The following H2BN1 variants were observed in gnomAD, a reference collection of about 807,000 sequenced individuals.
H2BN1 encodes histone H2B.N.
the H2BN1 span, among the ~76,000 whole-genome samples, chr17:32,903,193 A>G: frequency 6.6e-6 from 1 of 151,332 alleles, no homozygotes; most frequent in Non-Finnish European, 1.5e-5. Flanking sequence ...GTGAAATATT[A>G]TATATATATT....
At chr17:32,895,780 T>C in the H2BN1 span, among the ~76,000 whole-genome samples, 4 of 152,262 alleles carry the variant, frequency 2.6e-5, no homozygotes, top group African/African-American at 9.6e-5. Context: ...TAATGGCTGC[T>C]GTCTTCTCTC....
the H2BN1 span, among the ~76,000 whole-genome samples, chr17:32,899,324 A>G: frequency 1.3e-5 from 2 of 152,228 alleles, no homozygotes; most frequent in South Asian, 2.1e-4. Context: ...GATTTGTACC[A>G]TCAAATACCT....
chr17:32,902,827 G>A, the H2BN1 span, among the ~76,000 whole-genome samples: 1,000 of 137,286 alleles, frequency 7.3e-3, 7 homozygotes, highest in Non-Finnish European at 9.2e-3. Context: ...GCGACAGAGC[G>A]AGACTCCATC....
chr17:32,902,714 C>T, the H2BN1 span, among the ~76,000 whole-genome samples: 1 of 152,026 alleles, frequency 6.6e-6, no homozygotes, highest in Non-Finnish European at 1.5e-5. Context: ...GTGGTGGGCA[C>T]CTGTAGTCCC....
the H2BN1 span, chr17:32,906,078 C>T: frequency 6.6e-6 from 1 of 152,028 alleles, no homozygotes; most frequent in Non-Finnish European, 1.5e-5. Context: ...TATGTTGTTC[C>T]ACTTGTACAT....
the H2BN1 span, chr17:32,906,565 G>A: frequency 6.6e-6 from 1 of 152,180 alleles, no homozygotes; most frequent in South Asian, 2.1e-4. Context: ...CATAATAAAG[G>A]AAAGGCATTT....
the H2BN1 span, among the ~76,000 whole-genome samples, chr17:32,896,261 T>G: frequency 8.2e-4 from 125 of 152,292 alleles, no homozygotes; most frequent in East Asian, 0.017. Context: ...AAAGCGGATA[T>G]TTGCCACCTA....
the H2BN1 span, among the ~76,000 whole-genome samples, chr17:32,901,591 G>C: frequency 6.6e-6 from 1 of 152,242 alleles, no homozygotes; most frequent in African/African-American, 2.4e-5. Context: ...GCAGGACTTG[G>C]TGTCCTTTTT....
At chr17:32,895,890 T>A in the H2BN1 span, among the ~76,000 whole-genome samples, 1 of 152,158 alleles carries the variant, frequency 6.6e-6, no homozygotes, top group South Asian at 2.1e-4. Context: ...TGTAAATCTG[T>A]AAACTGATTC....
the H2BN1 span, chr17:32,906,271 C>T: frequency 6.6e-6 from 1 of 152,206 alleles, no homozygotes; most frequent in Non-Finnish European, 1.5e-5. Context: ...AATGGGTTAG[C>T]CTGGAGGCAT....
At chr17:32,898,461 T>A in the H2BN1 span, among the ~76,000 whole-genome samples, 1 of 152,238 alleles carries the variant, frequency 6.6e-6, no homozygotes, top group African/African-American at 2.4e-5. Context: ...AGTAGAGCAG[T>A]GACTTTGAAT....
chr17:32,903,456 T>C, the H2BN1 span, among the ~76,000 whole-genome samples: 5 of 152,166 alleles, frequency 3.3e-5, no homozygotes, highest in African/African-American at 1.2e-4. Context: ...GGGAAATTAA[T>C]ATGAATTTAA....
chr17:32,903,536 A>C, the H2BN1 span, among the ~76,000 whole-genome samples: 1 of 152,212 alleles, frequency 6.6e-6, no homozygotes, highest in African/African-American at 2.4e-5. Context: ...TATAGTTTTT[A>C]CTTCAGAACT....
At chr17:32,899,241 A>G in the H2BN1 span, among the ~76,000 whole-genome samples, 2 of 152,226 alleles carry the variant, frequency 1.3e-5, no homozygotes, top group East Asian at 3.8e-4. Flanking sequence ...AGGCTTTTAA[A>G]TTGGCTTTGA....
the H2BN1 span, among the ~76,000 whole-genome samples, chr17:32,901,500 C>T: frequency 6.6e-6 from 1 of 152,102 alleles, no homozygotes; most frequent in Middle Eastern, 3.2e-3. Context: ...CCTGTGACTT[C>T]AGGAATGTAG....
the H2BN1 span, among the ~76,000 whole-genome samples, chr17:32,900,449 A>G: frequency 6.6e-6 from 1 of 152,246 alleles, no homozygotes; most frequent in African/African-American, 2.4e-5. Context: ...AACACAGGTC[A>G]TTGTAAAACA....
chr17:32,896,255 C>T, the H2BN1 span, among the ~76,000 whole-genome samples: 54 of 152,124 alleles, frequency 3.5e-4, no homozygotes, highest in African/African-American at 1.1e-3. Context: ...TCTTGTAAAG[C>T]GGATATTTGC....
At chr17:32,896,161 CTATGTTGG>C in the H2BN1 span, among the ~76,000 whole-genome samples, 2 of 152,158 alleles carry the variant, frequency 1.3e-5, no homozygotes, top group African/African-American at 4.8e-5. Flanking sequence ...AGCAATCCTC[CTATGTTGG>C]CCTCCCAAAG....
chr17:32,904,326 G>T, the H2BN1 span, among the ~76,000 whole-genome samples: 1 of 152,164 alleles, frequency 6.6e-6, no homozygotes, highest in Non-Finnish European at 1.5e-5. Flanking sequence ...TAGTAGACAA[G>T]ACCTCTTAGA....
Sources: allele counts gnomAD v4.1 joint callset (sites outside exome capture counted in the v4.1 genomes callset), GRCh38; gene constraint gnomAD v4.1.1; transcripts MANE v1.5; gene names NCBI Gene and HGNC (gene_info 2026-07-23, HGNC 2026-07-21).